Variants in CD44 observed in about 807,000 individuals in gnomAD.
The protein encoded by CD44 is CD44 antigen.
CD44 carries 49 observed loss-of-function variants against 88.8 expected under a neutral mutation model. The ratio of observed to expected loss-of-function variants is 0.55; its 90% CI spans 0.44 to 0.70. The LOEUF (loss-of-function observed/expected upper bound fraction) is 0.70. Among genes scored for constraint, CD44 ranks in the 30% least tolerant of loss-of-function variants. The pLI, the probability that CD44 is intolerant of heterozygous loss-of-function variation, is 0.00. For missense variants in CD44, 883 were observed against 913.8 expected, an observed-to-expected ratio of 0.97 and a Z score of 0.43; for synonymous variants, 325 against 312.3, an observed-to-expected ratio of 1.04 and a Z score of -0.43.
At chr11:35,152,135 T>C (rs947808726) in intron 1 of CD44, among the ~76,000 whole-genome samples, 1 of 152,242 alleles carries the variant, frequency 6.6e-6, no homozygotes, top group Non-Finnish European at 1.5e-5. Context: ...CAGCTGCCAC[T>C]GGAAGCTCTT....
chr11:35,223,550 G>A (rs1309512842), intron 17 of CD44, among the ~76,000 whole-genome samples: 2 of 152,158 alleles, frequency 1.3e-5, no homozygotes, highest in Non-Finnish European at 2.9e-5. Context: ...GCAGACAGCA[G>A]AGAAGGGGCC....
Position 35,232,099 on chromosome 11 carries a change from T to G in CD44, c.*2766T>G, listed in dbSNP as rs1211741870. 6.6e-6 allele frequency: 1 copy of G among 152,384 alleles called. No individual in the cohort carries two copies. Among genetic ancestry groups the G allele is most frequent in the Admixed American group, 6.5e-5 (1 of 15,280 alleles). 9.4% of individuals were successfully genotyped at this position (152,384 alleles called of 1,614,324 possible). A position where few individuals can be genotyped will look rare whatever the true frequency, so the allele number is the denominator to read the frequency against. On this transcript the variant is annotated 3_prime_UTR_variant, in exon 18 of 18. Transcript: ENST00000428726. ...GGAGAGAGGAAACATTTGACTTATC[T>G]GGAAAAGCAAAATGTACTTAAGAAT...
rs115781370 is a variant in CD44 at position 35,223,459 on chromosome 11, G to A, written c.2024+1727G>A. 6.2e-3 allele frequency: 1,186 copies of A among 191,940 alleles called. 19 individuals carry two copies. The highest frequency in any genetic ancestry group is 0.027 in the African/African-American group (1,132 of 42,284). 11.9% of individuals were successfully genotyped at this position (191,940 alleles called of 1,614,324 possible). A position where few individuals can be genotyped will look rare whatever the true frequency, so the allele number is the denominator to read the frequency against. On this transcript the variant is annotated intron_variant, in intron 17 of 17. Coordinates refer to ENST00000428726, the MANE Select transcript of CD44 (RefSeq NM_000610.4). ...CGACATTTAGGGAGACCTCGGAGAA[G>A]CATCTCAGCTGTCCCTAAGAGCAGC...
intron 17 of CD44, among the ~76,000 whole-genome samples, chr11:35,223,756 C>T (rs1949494376): frequency 6.6e-6 from 1 of 152,146 alleles, no homozygotes; most frequent in Admixed American, 6.5e-5. Flanking sequence ...CTGTACGGGC[C>T]CCTTAATGGG....
At chr11:35,167,867 G>A (rs1031168810) in intron 1 of CD44, among the ~76,000 whole-genome samples, 1 of 152,224 alleles carries the variant, frequency 6.6e-6, no homozygotes, top group African/African-American at 2.4e-5. Context: ...TAATTGTAGA[G>A]AGAGCATTCA....
chr11:35,166,645 G>A (rs1943306914), intron 1 of CD44, among the ~76,000 whole-genome samples: 1 of 152,194 alleles, frequency 6.6e-6, no homozygotes, highest in Admixed American at 6.5e-5. Context: ...AGGCTCCACG[G>A]AAAAAAGGCA....
At chr11:35,145,061 A>C (rs371637460) in intron 1 of CD44, among the ~76,000 whole-genome samples, 1 of 152,244 alleles carries the variant, frequency 6.6e-6, no homozygotes, top group Non-Finnish European at 1.5e-5. Context: ...CTATAAGTAC[A>C]TGCCTGAAGG....
Position 35,211,395 on chromosome 11 carries a change from G to T in CD44, c.1756G>T (p.Val586Phe). 1.9e-6 allele frequency: 3 copies of T among 1,614,016 alleles called. No homozygotes were observed. The highest frequency in any genetic ancestry group is 2.5e-6 in the Non-Finnish European group (3 of 1,179,942). The change falls in exon 14 of 18, where the codon GTT (valine) becomes TTT (phenylalanine). Residue 586 changes from valine (V) to phenylalanine (F), a missense_variant. Physicochemically the swap from Val to Phe is conservative, Grantham distance 50. This residue lies in a region of CD44 where 631 missense variants were observed against 590.9 expected (regional missense o/e 1.07). Transcript: ENST00000428726. ...VTSAKTGSFG[V>F]TAVTVGDSNS... ...CTCAGCTAAGACTGGGTCCTTTGGA[G>T]TTACTGCAGTTACTGTTGGAGATTC...
At chr11:35,149,759 C>A (rs183523348) in intron 1 of CD44, among the ~76,000 whole-genome samples, 89 of 152,298 alleles carry the variant, frequency 5.8e-4, no homozygotes, top group Non-Finnish European at 1.3e-4. Context: ...CACAAAACCA[C>A]CATAAGGCAG....
At chr11:35,158,951 C>A (rs1181452227) in intron 1 of CD44, among the ~76,000 whole-genome samples, 2 of 152,214 alleles carry the variant, frequency 1.3e-5, no homozygotes, top group Non-Finnish European at 2.9e-5. Flanking sequence ...TTCCTGCCTT[C>A]TGTCCTGGCA....
chr11:35,174,550 A>G (rs954119726), intron 1 of CD44, among the ~76,000 whole-genome samples: 6 of 152,328 alleles, frequency 3.9e-5, no homozygotes, highest in African/African-American at 1.4e-4. Flanking sequence ...GGAGTTTTCA[A>G]TTACAGCCTT....
chr11:35,198,156 C>A lies in CD44; in HGVS notation c.832C>A (p.Pro278Thr). 3 of 1,613,760 alleles carry A rather than the reference C, an allele frequency of 1.9e-6. No homozygotes were observed. The highest frequency in any genetic ancestry group is 2.5e-6 in the Non-Finnish European group (3 of 1,179,778). Reference sequence around the variant, plus strand: ...AAATACCATCTCAGCAGGCTGGGAGCCAAATGAAGAAAATGAAGATGAAAG... The same window carrying A: ...AAATACCATCTCAGCAGGCTGGGAGACAAATGAAGAAAATGAAGATGAAAG... ...SSNTISAGWE[P>T]NEENEDERDR... Residue 278 changes from proline (P) to threonine (T), a missense_variant, in exon 7 of 18, where the codon CCA becomes ACA. Physicochemically the swap from Pro to Thr is conservative, Grantham distance 38. Transcript: ENST00000428726.
chr11:35,219,661 T>C (rs1378109847), intron 16 of CD44, among the ~76,000 whole-genome samples: 1 of 152,216 alleles, frequency 6.6e-6, no homozygotes, highest in Non-Finnish European at 1.5e-5. Flanking sequence ...CCATGTTAGT[T>C]ACTAAAGCTT....
intron 2 of CD44, chr11:35,176,995 T>A (rs1040596634): frequency 7.3e-6 from 3 of 413,592 alleles, no homozygotes; most frequent in African/African-American, 2.0e-5. Context: ...GGAATCCTCT[T>A]GTCTAACCTG....
intron 1 of CD44, among the ~76,000 whole-genome samples, chr11:35,155,551 C>T (rs1262648350): frequency 6.6e-6 from 1 of 152,168 alleles, no homozygotes; most frequent in Admixed American, 6.5e-5. Flanking sequence ...AATGATAATA[C>T]CTAAAACTTT....
At chr11:35,170,800 T>A (rs1473025528) in intron 1 of CD44, among the ~76,000 whole-genome samples, 1 of 152,228 alleles carries the variant, frequency 6.6e-6, no homozygotes, top group East Asian at 1.9e-4. Flanking sequence ...CTGAGGAGTC[T>A]TGCCTCTCTA....
At chr11:35,145,381 C>G (rs1051850143) in intron 1 of CD44, among the ~76,000 whole-genome samples, 1 of 152,120 alleles carries the variant, frequency 6.6e-6, no homozygotes, top group African/African-American at 2.4e-5. Context: ...TAAGTGAGAA[C>G]CATGGTGATG....
intron 12 of CD44, among the ~76,000 whole-genome samples, chr11:35,209,242 G>A (rs1948175058): frequency 6.6e-6 from 1 of 152,190 alleles, no homozygotes; most frequent in Admixed American, 6.5e-5. Flanking sequence ...ACTTGAAACA[G>A]TCCAAGTGAT....
intron 11 of CD44, among the ~76,000 whole-genome samples, chr11:35,206,906 G>A (rs1947920243): frequency 6.6e-6 from 1 of 152,188 alleles, no homozygotes; most frequent in Admixed American, 6.5e-5. Context: ...AACCAAGCCA[G>A]GCAAAGATCT....
Sources: allele counts gnomAD v4.1 joint callset (sites outside exome capture counted in the v4.1 genomes callset), GRCh38; gene constraint gnomAD v4.1.1; regional missense constraint gnomAD v4.1.1; transcripts MANE v1.5; gene names NCBI Gene and HGNC (gene_info 2026-07-23, HGNC 2026-07-21).